Variants in BCAS3 observed in about 807,000 individuals in gnomAD.
The protein encoded by BCAS3 is BCAS3 microtubule associated cell migration factor, also known as BCAS4/BCAS3 fusion.
BCAS3 carries 53 observed loss-of-function variants against 116.1 expected under a neutral mutation model. That is an observed-to-expected ratio of 0.46 (90% CI 0.37 to 0.57). The LOEUF is 0.57. Ranked by LOEUF, BCAS3 falls within the 20% of genes least tolerant of loss-of-function variation. BCAS3 has a pLI of 0.00. For synonymous variants in BCAS3, 391 were observed against 408.2 expected (o/e 0.96, Z 0.51); for missense variants, 917 against 1,165.4 (o/e 0.79, Z 3.10).
intron 22 of BCAS3, among the ~76,000 whole-genome samples, chr17:61,264,563 G>A (rs1410365938): frequency 2.6e-5 from 4 of 151,866 alleles, no homozygotes; most frequent in Non-Finnish European, 4.4e-5. Flanking sequence ...ATGTGCCACC[G>A]CGTCCAGCTA....
chr17:61,036,695 T>G (rs944113897), intron 17 of BCAS3, among the ~76,000 whole-genome samples: 1 of 152,222 alleles, frequency 6.6e-6, no homozygotes, highest in African/African-American at 2.4e-5. Context: ...CTCCTAGGTT[T>G]ACTGTAAAAC....
intron 22 of BCAS3, among the ~76,000 whole-genome samples, chr17:61,221,493 A>G (rs2082109465): frequency 6.6e-6 from 1 of 152,200 alleles, no homozygotes; most frequent in Admixed American, 6.5e-5. Flanking sequence ...CAGAGGCATG[A>G]CTTTAGCTAT....
At position 61,010,575 on chromosome 17, in the gene BCAS3, G is replaced by A. The variant is rs1267207566; in HGVS notation, c.1487-5176G>A. On this transcript the variant is annotated intron_variant, in intron 15 of 23. Coordinates refer to ENST00000407086, the MANE Select transcript of BCAS3 (RefSeq NM_017679.5). The stretch of plus-strand genomic sequence containing the variant: ...GAAAGTGAATGGTTCTGGTGTAATG[G>A]CTTTGTATTGTAATATTAAAAACAA... 4.0e-5 allele frequency among the ~76,000 whole-genome samples: 6 copies of A among 151,756 alleles called. No homozygotes were observed. The East Asian group carries it at 1.2e-3, about 29-fold the overall frequency.
chr17:61,287,211 T>G (rs894766285), intron 22 of BCAS3, among the ~76,000 whole-genome samples: 16 of 150,700 alleles, frequency 1.1e-4, no homozygotes, highest in Non-Finnish European at 1.6e-4. Context: ...TCGCACCACT[T>G]CACTCCAGCC....
chr17:61,001,994 T>C (rs2064274817), intron 15 of BCAS3, among the ~76,000 whole-genome samples: 1 of 152,098 alleles, frequency 6.6e-6, no homozygotes, highest in Non-Finnish European at 1.5e-5. Context: ...AAATGAAGAT[T>C]GTACAGTTGT....
chr17:61,043,320 A>G (rs1219025879), intron 19 of BCAS3, among the ~76,000 whole-genome samples: 1 of 152,004 alleles, frequency 6.6e-6, no homozygotes, highest in Non-Finnish European at 1.5e-5. Flanking sequence ...GTGAGCTGAG[A>G]TGGTGTCACT....
chr17:61,135,309 A>G (rs2076563564), intron 22 of BCAS3, among the ~76,000 whole-genome samples: 1 of 152,240 alleles, frequency 6.6e-6, no homozygotes, highest in Admixed American at 6.5e-5. Flanking sequence ...AAATTACATC[A>G]GTGTCAAGTG....
chr17:60,974,490 C>T (rs1334549943), intron 14 of BCAS3, among the ~76,000 whole-genome samples: 2 of 151,946 alleles, frequency 1.3e-5, no homozygotes, highest in Admixed American at 1.3e-4. Context: ...ATTCTCAAAT[C>T]GATGAAATAT....
At chr17:60,975,651 T>A (rs999806044) in intron 14 of BCAS3, among the ~76,000 whole-genome samples, 1 of 152,218 alleles carries the variant, frequency 6.6e-6, no homozygotes, top group African/African-American at 2.4e-5. Flanking sequence ...CAAGAACATT[T>A]TCAGCACCCC....
chr17:61,026,965 T>A lies in BCAS3; in HGVS notation c.1638-7701T>A. 2 of 1,522,152 alleles carry A rather than the reference T, an allele frequency of 1.3e-6. No individual in the cohort carries two copies. The highest frequency in any genetic ancestry group is 1.8e-6 in the Non-Finnish European group (2 of 1,114,994). 94.3% of individuals were successfully genotyped at this position (1,522,152 alleles called of 1,614,324 possible). A position where few individuals can be genotyped will look rare whatever the true frequency, so the allele number is the denominator to read the frequency against. On this transcript the variant is annotated intron_variant, in intron 16 of 23. Transcript: ENST00000407086. This position sits in a 1 kb window ranked among gnomAD's most constrained non-coding sequence, Gnocchi z 5.0. The stretch of plus-strand genomic sequence containing the variant: ...ATTCATTTGCTGTACTCTCAAAAAG[T>A]AATTTGTTTTGTAGTTTTGTTTCCA...
At chr17:60,814,556 C>A (rs1186503133) in intron 7 of BCAS3, among the ~76,000 whole-genome samples, 1 of 151,944 alleles carries the variant, frequency 6.6e-6, no homozygotes, top group Non-Finnish European at 1.5e-5. Flanking sequence ...CCTTTTATTT[C>A]TTTCTCTTGC....
chr17:60,803,920 G>A lies in BCAS3; in HGVS notation c.404-4084G>A, dbSNP rs561121845. Among the ~76,000 whole-genome samples, 248 of 147,752 alleles carry A rather than the reference G, an allele frequency of 1.7e-3. 2 individuals carry two copies. The highest frequency in any genetic ancestry group is 5.7e-3 in the African/African-American group (230 of 40,270). ...GGGTTTGAGCGATTCTCCTGCCTCA[G>A]CCTCTTGAGTAGCTGGGATTACAGG... On this transcript the variant is annotated intron_variant, in intron 6 of 23. Coordinates refer to ENST00000407086, the MANE Select transcript of BCAS3 (RefSeq NM_017679.5).
chr17:61,074,270 GAGAC>G (rs925803073), intron 19 of BCAS3, among the ~76,000 whole-genome samples: 8 of 151,850 alleles, frequency 5.3e-5, no homozygotes, highest in South Asian at 2.1e-4. Flanking sequence ...TAGAGACATG[GAGAC>G]AGACAGAGTG....
chr17:60,804,622 G>A (rs546279471), intron 6 of BCAS3, among the ~76,000 whole-genome samples: 1 of 151,864 alleles, frequency 6.6e-6, no homozygotes, highest in Non-Finnish European at 1.5e-5. Flanking sequence ...GTTTTGCAGC[G>A]GTAGGAAATA....
rs1441771387 is a variant in BCAS3, at chr17:61,151,095, T to C, written c.2425+66531T>C. ...GCTACAATGACCACAACTACTGCAA[T>C]GACTGTTACTGCTACTACTACTGCT... On this transcript the variant is annotated intron_variant, in intron 22 of 23. Coordinates refer to ENST00000407086, the MANE Select transcript of BCAS3 (RefSeq NM_017679.5). This position sits in a 1 kb window ranked among gnomAD's most constrained non-coding sequence, Gnocchi z 4.8. 1.3e-5 allele frequency among the ~76,000 whole-genome samples: 2 copies of C among 152,212 alleles called. No individual in the cohort carries two copies. Among genetic ancestry groups the C allele is most frequent in the African/African-American group, 2.4e-5 (1 of 41,452 alleles).
rs2074523319 is a variant in BCAS3, at chr17:61,104,542, C to T, written c.2425+19978C>T. Among the ~76,000 whole-genome samples, 1 of 152,072 alleles carries T rather than the reference C, an allele frequency of 6.6e-6. No homozygotes were observed. Among genetic ancestry groups the T allele is most frequent in the African/African-American group, 2.4e-5 (1 of 41,422 alleles). On this transcript the variant is annotated intron_variant, in intron 22 of 23. Transcript: ENST00000407086. The surrounding 1 kb of genome is among the most constrained non-coding windows in gnomAD (Gnocchi z 4.1). ...GAGATATATGCCTTTCAGATCTGCACTTCATCTCATACTTCATCATTTATT... is the reference window on the plus strand; with the variant it reads ...GAGATATATGCCTTTCAGATCTGCATTTCATCTCATACTTCATCATTTATT...
rs2069450518 is a variant in BCAS3, at chr17:61,056,996, T to C, written c.2029+16104T>C. On this transcript the variant is annotated intron_variant, in intron 19 of 23. Coordinates refer to ENST00000407086, the MANE Select transcript of BCAS3 (RefSeq NM_017679.5). This position sits in a 1 kb window ranked among gnomAD's most constrained non-coding sequence, Gnocchi z 4.9. ...TTATTTGAATTGACAAATGGCTGCATTAGGAGAAGGAGGGAAATCCATTAA... is the reference window on the plus strand; with the variant it reads ...TTATTTGAATTGACAAATGGCTGCACTAGGAGAAGGAGGGAAATCCATTAA... Among the ~76,000 whole-genome samples the C allele has an allele frequency of 6.6e-6, 1 of 152,200 alleles. No homozygotes were observed. The highest frequency in any genetic ancestry group is 6.5e-5 in the Admixed American group (1 of 15,282).
intron 22 of BCAS3, among the ~76,000 whole-genome samples, chr17:61,305,223 C>T (rs1602551798): frequency 1.3e-5 from 2 of 152,224 alleles, no homozygotes; most frequent in East Asian, 1.9e-4. Context: ...CAGATGACCC[C>T]GGTGCATAGT....
intron 22 of BCAS3, among the ~76,000 whole-genome samples, chr17:61,191,567 A>T (rs1169295426): frequency 6.6e-6 from 1 of 151,708 alleles, no homozygotes; most frequent in Non-Finnish European, 1.5e-5. Flanking sequence ...CGAGGTCAGG[A>T]GATTGAGACC....
Sources: gnomAD v4.1 joint callset for allele counts (sites outside exome capture counted in the v4.1 genomes callset) on GRCh38, gnomAD v4.1.1 for gene constraint, Gnocchi (gnomAD v3.1) non-coding constraint, MANE v1.5 for transcripts, NCBI Gene and HGNC (gene_info 2026-07-23, HGNC 2026-07-21) for gene names.